The following SLC16A6 variants were observed in gnomAD, a reference collection of about 807,000 sequenced individuals.
The protein encoded by SLC16A6 is monocarboxylate transporter 7.
A neutral mutation model predicts 33.8 loss-of-function variants in SLC16A6; 15 were observed. That is an observed-to-expected ratio of 0.44 (90% CI 0.30 to 0.68). The LOEUF (loss-of-function observed/expected upper bound fraction) is 0.68, where lower values mean the gene tolerates loss of function less well. Among genes scored for constraint, SLC16A6 ranks in the 30% least tolerant of loss-of-function variants. The pLI is 0.10. For missense variants in SLC16A6, 451 were observed against 661.5 expected (o/e 0.68, Z 3.49); for synonymous variants, 219 against 248.4 (o/e 0.88, Z 1.11).
At chr17:68,284,459 A>G (rs939801836) in intron 1 of SLC16A6, among the ~76,000 whole-genome samples, 2 of 152,226 alleles carry the variant, frequency 1.3e-5, no homozygotes, top group Admixed American at 6.5e-5. Flanking sequence ...ACAATTGTAT[A>G]CAGGTGAATT....
At chr17:68,287,941 TTCTCTC>T (rs1240256594) in intron 1 of SLC16A6, among the ~76,000 whole-genome samples, 1 of 151,116 alleles carries the variant, frequency 6.6e-6, no homozygotes, top group African/African-American at 2.4e-5. Context: ...TCTTCTTCTC[TTCTCTC>T]TCTCTTTCTC....
rs3744307 is a variant in SLC16A6 at position 68,271,509 on chromosome 17, T to G, written c.651A>C (p.Glu217Asp). 293,039 of 1,614,042 alleles carry G rather than the reference T, an allele frequency of 0.18. 27,224 individuals carry two copies. The highest frequency in any genetic ancestry group is 0.19 in the Non-Finnish European group (226,409 of 1,179,978). Residue 217 changes from glutamate to aspartate, a missense_variant, in exon 5 of 6, where the codon GAA becomes GAC. Around this residue, in one of 2 missense-constraint regions of SLC16A6, gnomAD observed 405 missense variants for 510.7 expected, o/e 0.79. Transcript: ENST00000580666. The surrounding 1 kb of genome is among the most constrained non-coding windows in gnomAD (Gnocchi z 5.3). ...GCATATACTGCGCTTCTTTCCGATT[T>G]TCCTGGATGACTATTTTCGGTGACG... ...GPASPKIVIQ[E>D]NRKEAQYMLE...
chr17:68,275,981 T>C (rs1429998005), intron 2 of SLC16A6, among the ~76,000 whole-genome samples: 4 of 146,092 alleles, frequency 2.7e-5, no homozygotes, highest in Non-Finnish European at 6.0e-5. Flanking sequence ...AGACTCCGTC[T>C]CAAAAAAAAA....
In SLC16A6 at chr17:68,273,947, A is replaced by T. The variant is rs1401301862; in HGVS notation, c.356T>A (p.Val119Asp). 6.2e-6 allele frequency: 10 copies of T among 1,614,042 alleles called. No homozygotes were observed. Among genetic ancestry groups the T allele is most frequent in the Non-Finnish European group, 7.6e-6 (9 of 1,180,026 alleles). ...CTTACCAGAGATGATGCCGATGGCG[A>T]CGTACATATGAGAAACCTCTTGTGA... is the stretch of plus-strand genomic sequence containing the variant. ...SFSQEVSHMYVAIGIISGLGY... is the reference protein window; with the variant it reads ...SFSQEVSHMYDAIGIISGLGY... Residue 119 changes from valine (V) to aspartate (D), a missense_variant, in exon 3 of 6, where the codon GTC becomes GAC. Coordinates refer to ENST00000580666, the MANE Select transcript of SLC16A6 (RefSeq NM_004694.5).
At position 68,268,078 on chromosome 17, in the gene SLC16A6, A is replaced by C. The variant is rs1486274255; in HGVS notation, c.*1018T>G. The C allele has an allele frequency of 3.3e-5, 5 of 152,212 alleles. No individual in the cohort carries two copies. Among genetic ancestry groups the C allele is most frequent in the Admixed American group, 3.3e-4 (5 of 15,280 alleles). 9.4% of individuals were successfully genotyped at this position (152,212 alleles called of 1,614,324 possible). A position where few individuals can be genotyped will look rare whatever the true frequency, so the allele number is the denominator to read the frequency against. On this transcript the variant is annotated 3_prime_UTR_variant, in exon 6 of 6. Coordinates refer to ENST00000580666, the MANE Select transcript of SLC16A6 (RefSeq NM_004694.5). The stretch of plus-strand genomic sequence containing the variant: ...CCATTATTTTTTCCCCTTTAATAGC[A>C]CACGTTGCCCCTAATCAAATGGAAG...
At chr17:68,274,839 GGT>G (rs2075459911) in intron 2 of SLC16A6, among the ~76,000 whole-genome samples, 1 of 151,520 alleles carries the variant, frequency 6.6e-6, no homozygotes, top group Non-Finnish European at 1.5e-5. Flanking sequence ...GGAGTGCAGT[GGT>G]GTGATCTCGG....
intron 2 of SLC16A6, among the ~76,000 whole-genome samples, chr17:68,277,400 G>T (rs920996264): frequency 1.3e-5 from 2 of 151,662 alleles, no homozygotes; most frequent in African/African-American, 2.4e-5. Context: ...AAAGTGCTGG[G>T]ATTACAGGCG....
chr17:68,271,534 G>A lies in SLC16A6; in HGVS notation c.626C>T (p.Ala209Val), dbSNP rs1333529411. ...LLRPIFIRGP[A>V]SPKIVIQENR... ...TTCCTGGATGACTATTTTCGGTGAC[G>A]CTGGTCCTCTGATAAAGATGGGTCT... The change falls in exon 5 of 6, where the codon GCG becomes GTG. Residue 209 changes from alanine (A) to valine (V), a missense_variant. Coordinates refer to ENST00000580666, the MANE Select transcript of SLC16A6 (RefSeq NM_004694.5). This position sits in a 1 kb window ranked among gnomAD's most constrained non-coding sequence, Gnocchi z 5.3. The A allele has an allele frequency of 3.2e-5, 51 of 1,614,046 alleles. No homozygotes were observed. The highest frequency in any genetic ancestry group is 3.9e-5 in the Non-Finnish European group (46 of 1,180,038).
chr17:68,283,110 G>C (rs552510883), intron 1 of SLC16A6: 1 of 152,226 alleles, frequency 6.6e-6, no homozygotes. Context: ...CTGAATGACA[G>C]AGCAAGACCC....
Position 68,269,326 on chromosome 17 carries a change from T to A in SLC16A6, c.1342A>T (p.Lys448Ter). The A allele has an allele frequency of 8.1e-7, 1 of 1,240,898 alleles. No homozygotes were observed. The highest frequency in any genetic ancestry group is 2.4e-5 in the East Asian group (1 of 41,590). The allele number at this position is 1,240,898 out of a possible 1,614,324, so 76.9% of individuals were successfully genotyped here. The change falls in exon 6 of 6, where the codon AAG (lysine) becomes TAG (stop). Residue 448 changes from lysine (K) to a stop codon, truncating the protein, a stop_gained. Transcript: ENST00000580666. LOFTEE classifies it low-confidence loss of function (END_TRUNC). ...PLAGLLVDQS[K>*]IYSRAFYSCA... ...GAGTAGAAGGCCCTGCTGTAGATCT[T>A]ACTTTGGTCCACCAACAAACCTGGA...
At position 68,270,778 on chromosome 17, in the gene SLC16A6, A is replaced by C. The variant is rs2075313830; in HGVS notation, c.1321+61T>G. On this transcript the variant is annotated intron_variant, in intron 5 of 5. Coordinates refer to ENST00000580666, the MANE Select transcript of SLC16A6 (RefSeq NM_004694.5). ...AAGTTTTTTTTATGGCTTGAACAGGAAGCTAGCACAATTCACAAGGGAAAG... is the reference window on the plus strand; with the variant it reads ...AAGTTTTTTTTATGGCTTGAACAGGCAGCTAGCACAATTCACAAGGGAAAG... The C allele has an allele frequency of 2.9e-6, 4 of 1,402,324 alleles. No homozygotes were observed. In the African/African-American group the frequency reaches 4.3e-5, roughly 15 times the overall value. The allele number at this position is 1,402,324 out of a possible 1,614,324, so 86.9% of individuals were successfully genotyped here.
chr17:68,276,273 A>G (rs1250276345), intron 2 of SLC16A6, among the ~76,000 whole-genome samples: 1 of 151,792 alleles, frequency 6.6e-6, no homozygotes, highest in African/African-American at 2.4e-5. Context: ...AGAAATTTCT[A>G]CCTTACCCAA....
At chr17:68,276,938 C>G (rs2075542913) in intron 2 of SLC16A6, among the ~76,000 whole-genome samples, 1 of 152,122 alleles carries the variant, frequency 6.6e-6, no homozygotes, top group Admixed American at 6.5e-5. Context: ...GCGATTGGGT[C>G]TGGGAGTATA....
At chr17:68,280,179 C>CA (rs58937538) in intron 1 of SLC16A6, among the ~76,000 whole-genome samples, 20,117 of 87,112 alleles carry the variant, frequency 0.23, 2,249 homozygotes, top group Middle Eastern at 0.27. Context: ...AACTCTGTCT[C>CA]AAAAAAAAAA....
At chr17:68,276,388 T>C (rs996119600) in intron 2 of SLC16A6, among the ~76,000 whole-genome samples, 2 of 152,182 alleles carry the variant, frequency 1.3e-5, no homozygotes. Flanking sequence ...GAGATAACAG[T>C]TCCATGACAG....
chr17:68,284,272 G>A (rs1473318518), intron 1 of SLC16A6, among the ~76,000 whole-genome samples: 4 of 151,890 alleles, frequency 2.6e-5, no homozygotes, highest in African/African-American at 7.3e-5. Flanking sequence ...GTGGTGGCAC[G>A]TGCCTGTAGT....
intron 1 of SLC16A6, among the ~76,000 whole-genome samples, chr17:68,290,556 CGGT>C (rs543510192): frequency 2.6e-5 from 4 of 152,230 alleles, no homozygotes; most frequent in Non-Finnish European, 5.9e-5. Context: ...TGGGGACAAA[CGGT>C]GGCCGCCGCA....
Position 68,271,692 on chromosome 17 carries a change from T to C in SLC16A6, c.506-38A>G, listed in dbSNP as rs782314366. ...GGAGTGAAGAAGAAATAATATAAGGTCAATAATGGACTCAAGACCCAGGAG... is the reference window on the plus strand; with the variant it reads ...GGAGTGAAGAAGAAATAATATAAGGCCAATAATGGACTCAAGACCCAGGAG... On this transcript the variant is annotated intron_variant, in intron 4 of 5. Transcript: ENST00000580666. This position sits in a 1 kb window ranked among gnomAD's most constrained non-coding sequence, Gnocchi z 5.3. 3.4e-5 allele frequency: 52 copies of C among 1,540,306 alleles called. No individual in the cohort carries two copies. Among genetic ancestry groups the C allele is most frequent in the Middle Eastern group, 1.7e-4 (1 of 5,844 alleles).
chr17:68,281,704 C>T (rs1427134354), intron 1 of SLC16A6, among the ~76,000 whole-genome samples: 1 of 152,052 alleles, frequency 6.6e-6, no homozygotes, highest in Admixed American at 6.6e-5. Flanking sequence ...CAAATCAAAA[C>T]CACAGTGAGG....
Sources: gnomAD v4.1 joint callset for allele counts (sites outside exome capture counted in the v4.1 genomes callset) on GRCh38, gnomAD v4.1.1 for gene constraint, gnomAD v4.1.1 regional missense constraint, Gnocchi (gnomAD v3.1) non-coding constraint, MANE v1.5 for transcripts, NCBI Gene and HGNC (gene_info 2026-07-23, HGNC 2026-07-21) for gene names.